Variants in HHIPL1 observed in about 807,000 individuals in gnomAD.
HHIPL1 encodes HHIP-like protein 1.
Under a neutral mutation model 61.8 loss-of-function variants are expected in HHIPL1, and 43 were observed. The observed-to-expected ratio is 0.70, with a 90% confidence interval of 0.55 to 0.90. HHIPL1 has a LOEUF of 0.90. Among genes scored for constraint, HHIPL1 ranks in the 40% least tolerant of loss-of-function variants. The probability of loss-of-function intolerance (pLI) is 0.00; values close to 1 mark genes in which losing one functional copy is unlikely to be tolerated. For missense variants in HHIPL1, 1,056 were observed against 1,157.7 expected (o/e 0.91, Z 1.28); for synonymous variants, 482 against 515.8 (o/e 0.93, Z 0.89).
At chr14:99,650,949 C>T (rs934995160) in intron 1 of HHIPL1, among the ~76,000 whole-genome samples, 3 of 151,262 alleles carry the variant, frequency 2.0e-5, no homozygotes, top group East Asian at 2.0e-4. Flanking sequence ...CTTCTCTCAT[C>T]GCTATAAAGA....
chr14:99,656,947 T>C, intron 2 of HHIPL1, 53 bp from the exon 3 acceptor site: 1 of 1,495,378 alleles, frequency 6.7e-7, no homozygotes, highest in African/African-American at 1.4e-5. Context: ...TTGTTTTGTG[T>C]GTTTGGCTCA....
chr14:99,640,034 T>C, the HHIPL1 span, among the ~76,000 whole-genome samples: 2 of 152,360 alleles, frequency 1.3e-5, no homozygotes, highest in African/African-American at 4.8e-5. Flanking sequence ...AGATTTAAAG[T>C]GATTGTTGAT....
At chr14:99,643,569 GC>G (rs1268693650), upstream of HHIPL1, among the ~76,000 whole-genome samples, 26 of 152,186 alleles carry the variant, frequency 1.7e-4, no homozygotes, top group Non-Finnish European at 5.9e-5. Flanking sequence ...CTCATCTGGA[GC>G]CCTGTGTTGA....
At chr14:99,658,270 T>C (rs1322605625) in intron 3 of HHIPL1, among the ~76,000 whole-genome samples, 1 of 152,230 alleles carries the variant, frequency 6.6e-6, no homozygotes, top group African/African-American at 2.4e-5. Context: ...ATTTTGCTGC[T>C]ACAAGTTGTG....
chr14:99,660,447 T>C lies in HHIPL1; in HGVS notation c.1502+41T>C. 3 of 1,590,272 alleles carry C rather than the reference T, an allele frequency of 1.9e-6. No homozygotes were observed. The highest frequency in any genetic ancestry group is 2.6e-6 in the Non-Finnish European group (3 of 1,164,740). ...CCCTCGCGCCCCTGGCTGCTGCCAC[T>C]GGCTCCTTGGGACTGGCTCCTTGGT... is the stretch of plus-strand genomic sequence containing the variant. On this transcript the variant is annotated intron_variant, in intron 5 of 8. Coordinates refer to ENST00000330710, the MANE Select transcript of HHIPL1 (RefSeq NM_001127258.3). This position sits in a 1 kb window ranked among gnomAD's most constrained non-coding sequence, Gnocchi z 4.9.
the HHIPL1 span, among the ~76,000 whole-genome samples, chr14:99,631,033 T>A: frequency 6.6e-6 from 1 of 151,516 alleles, no homozygotes; most frequent in Non-Finnish European, 1.5e-5. Flanking sequence ...ACTAATTCCA[T>A]CTGCAGTGGC....
At position 99,675,770 on chromosome 14, in the gene HHIPL1, G is replaced by T; in HGVS notation, c.*144G>T. Reference sequence around the variant, plus strand: ...GCTGTCCTGGGGACATGTGTGAGGCGCTGCAGTGCATGTGTGTCCTCTGCA... The same window carrying T: ...GCTGTCCTGGGGACATGTGTGAGGCTCTGCAGTGCATGTGTGTCCTCTGCA... On this transcript the variant is annotated 3_prime_UTR_variant, in exon 9 of 9. Coordinates refer to ENST00000330710, the MANE Select transcript of HHIPL1 (RefSeq NM_001127258.3). This position sits in a 1 kb window ranked among gnomAD's most constrained non-coding sequence, Gnocchi z 5.4. 5.0e-6 allele frequency: 4 copies of T among 804,882 alleles called. No individual in the cohort carries two copies. Among genetic ancestry groups the T allele is most frequent in the Non-Finnish European group, 7.4e-6 (4 of 539,360 alleles). 49.9% of individuals were successfully genotyped at this position (804,882 alleles called of 1,614,324 possible). A position where few individuals can be genotyped will look rare whatever the true frequency, so the allele number is the denominator to read the frequency against.
the HHIPL1 span, among the ~76,000 whole-genome samples, chr14:99,637,063 AAAG>A: frequency 8.7e-6 from 1 of 114,814 alleles, no homozygotes; most frequent in African/African-American, 3.3e-5. Context: ...AGGAAGGAAA[AAAG>A]AAAGAAAGAG....
the HHIPL1 span, among the ~76,000 whole-genome samples, chr14:99,623,064 G>A: frequency 3.3e-5 from 5 of 152,330 alleles, no homozygotes; most frequent in East Asian, 3.9e-4. Context: ...GCAGAGACGC[G>A]TGTGCTGAGC....
rs2056335569 is a variant in HHIPL1 at position 99,672,399 on chromosome 14, A to G, written c.1813A>G (p.Lys605Glu). The G allele has an allele frequency of 1.3e-6, 2 of 1,550,528 alleles. No individual in the cohort carries two copies. Among genetic ancestry groups the G allele is most frequent in the Admixed American group, 3.9e-5 (2 of 50,992 alleles). Residue 605 changes from lysine to glutamate, a missense_variant and splice_region_variant, in exon 8 of 9, where the codon AAG becomes GAG. Lys to Glu is a moderately conservative substitution (Grantham distance 56). Transcript: ENST00000330710. Reference protein sequence around the residue: ...SRLIPFVPKEKFIPKTRSTPR... With the variant: ...SRLIPFVPKEEFIPKTRSTPR... ...TCTCATCCCCTTTGTGCCCAAAGAA[A>G]GTAAGTGCCTGCCAGTGGGACACTG...
chr14:99,621,487 C>T, the HHIPL1 span, among the ~76,000 whole-genome samples: 1 of 152,092 alleles, frequency 6.6e-6, no homozygotes, highest in African/African-American at 2.4e-5. Flanking sequence ...TACACCAACC[C>T]CAGCTATTGT....
At chr14:99,661,245 T>G (rs2056146282) in intron 5 of HHIPL1, among the ~76,000 whole-genome samples, 2 of 152,162 alleles carry the variant, frequency 1.3e-5, no homozygotes, top group Non-Finnish European at 2.9e-5. Flanking sequence ...CAGGTGACCT[T>G]GAGCCAGTTA....
At chr14:99,619,444 A>G in the HHIPL1 span, among the ~76,000 whole-genome samples, 6 of 148,872 alleles carry the variant, frequency 4.0e-5, no homozygotes, top group Non-Finnish European at 4.5e-5. Context: ...CCGGGGTGAC[A>G]GTGCAAGACT....
intron 1 of HHIPL1, among the ~76,000 whole-genome samples, chr14:99,649,014 C>T (rs2055884900): frequency 6.6e-6 from 1 of 152,174 alleles, no homozygotes; most frequent in African/African-American, 2.4e-5. Context: ...GGCCTTCCTG[C>T]CACCTGCCCC....
At chr14:99,637,113 AAG>A in the HHIPL1 span, among the ~76,000 whole-genome samples, 1 of 143,128 alleles carries the variant, frequency 7.0e-6, no homozygotes. Flanking sequence ...AAAAGAAAGA[AAG>A]AAAGAAAAGA....
At chr14:99,620,095 G>A in the HHIPL1 span, among the ~76,000 whole-genome samples, 4 of 152,272 alleles carry the variant, frequency 2.6e-5, no homozygotes, top group East Asian at 1.9e-4. Flanking sequence ...ATGCGTTCAC[G>A]GCTGTCAGGG....
At chr14:99,626,265 G>GT in the HHIPL1 span, among the ~76,000 whole-genome samples, 1 of 147,134 alleles carries the variant, frequency 6.8e-6, no homozygotes, top group Non-Finnish European at 1.5e-5. Flanking sequence ...TGGGTGTAGC[G>GT]GGGTGTGTGT....
chr14:99,647,935 C>T (rs188568930), intron 1 of HHIPL1, among the ~76,000 whole-genome samples: 2 of 152,254 alleles, frequency 1.3e-5, no homozygotes, highest in Admixed American at 6.5e-5. Flanking sequence ...GCTTCCACAT[C>T]GCTAACCTCC....
Position 99,652,357 on chromosome 14 carries a change from C to T in HHIPL1, c.389C>T (p.Ser130Leu), listed in dbSNP as rs1258999829. 2 of 1,614,112 alleles carry T rather than the reference C, an allele frequency of 1.2e-6. No homozygotes were observed. The highest frequency in any genetic ancestry group is 2.2e-5 in the East Asian group (1 of 44,890). ...TGCCGGGGGCTGTTCCGTCACCTGT[C>T]AACTGACCAGGAGCTCTGGGCGCTG... The part of the protein sequence containing the change: ...HKCRGLFRHL[S>L]TDQELWALEG... Residue 130 changes from serine to leucine, a missense_variant, in exon 2 of 9, where the codon TCA becomes TTA. Physicochemically the swap from Ser to Leu is moderately radical, Grantham distance 145. Coordinates refer to ENST00000330710, the MANE Select transcript of HHIPL1 (RefSeq NM_001127258.3).
Sources: allele counts gnomAD v4.1 joint callset (sites outside exome capture counted in the v4.1 genomes callset), GRCh38; gene constraint gnomAD v4.1.1; non-coding constraint Gnocchi (gnomAD v3.1); transcripts MANE v1.5; gene names NCBI Gene and HGNC (gene_info 2026-07-23, HGNC 2026-07-21).